NINL: variants seen among roughly 807,000 people sequenced by gnomAD.
NINL encodes the protein ninein like.
A neutral mutation model predicts 160.3 loss-of-function variants in NINL; 153 were observed. The ratio of observed to expected loss-of-function variants is 0.95; its 90% confidence interval spans 0.84 to 1.09. NINL has a LOEUF of 1.09. NINL is among the 50% of genes least tolerant of loss of function. The pLI, the probability that NINL is intolerant of heterozygous loss-of-function variation, is 0.00. For missense variants in NINL, 1,829 were observed against 1,764.0 expected (o/e 1.04, Z -0.66); for synonymous variants, 800 against 734.8 (o/e 1.09, Z -1.43).
chr20:25,470,208 C>A (rs6050637), intron 17 of NINL, 113 bp from the exon 18 acceptor site: 1 of 771,730 alleles, frequency 1.3e-6, no homozygotes, highest in Non-Finnish European at 2.2e-6. Flanking sequence ...CTCCCCGTCC[C>A]TGGAGGTGGC....
chr20:25,518,173 G>A (rs2064195879), intron 2 of NINL, among the ~76,000 whole-genome samples: 1 of 152,198 alleles, frequency 6.6e-6, no homozygotes, highest in Non-Finnish European at 1.5e-5. Flanking sequence ...AACGCCACCA[G>A]CACTGCAGAA....
intron 1 of NINL, among the ~76,000 whole-genome samples, chr20:25,552,071 G>C (rs1440067980): frequency 6.6e-6 from 1 of 152,104 alleles, no homozygotes; most frequent in Non-Finnish European, 1.5e-5. Flanking sequence ...GCTCTGTTTG[G>C]GGAAAAAGAA....
chr20:25,554,560 G>A (rs1289013908), intron 1 of NINL, among the ~76,000 whole-genome samples: 2 of 151,194 alleles, frequency 1.3e-5, no homozygotes, highest in African/African-American at 2.4e-5. Context: ...CGGGGTGGGT[G>A]GATCGCTTGA....
chr20:25,565,376 G>C (rs900422300), intron 1 of NINL, among the ~76,000 whole-genome samples: 2 of 151,766 alleles, frequency 1.3e-5, no homozygotes, highest in Non-Finnish European at 2.9e-5. Context: ...GGGAGGAAGA[G>C]AGAAAGAAAG....
intron 23 of NINL, 111 bp from the exon 24 acceptor site, chr20:25,453,753 T>C: frequency 9.7e-7 from 1 of 1,034,154 alleles, no homozygotes; most frequent in Non-Finnish European, 1.4e-6. Flanking sequence ...TTTGGGCTCT[T>C]AGAAATCTGA....
intron 3 of NINL, among the ~76,000 whole-genome samples, chr20:25,514,833 T>G (rs2064133599): frequency 6.6e-6 from 1 of 152,228 alleles, no homozygotes; most frequent in Non-Finnish European, 1.5e-5. Context: ...CCTTGGTGAC[T>G]ACCATGTTGT....
intron 14 of NINL, among the ~76,000 whole-genome samples, chr20:25,481,597 C>T (rs1176961820): frequency 1.3e-5 from 2 of 152,202 alleles, no homozygotes; most frequent in Non-Finnish European, 2.9e-5. Flanking sequence ...GGGTAAGCCC[C>T]GACAGCCTCT....
At chr20:25,558,034 G>A (rs953372951) in intron 1 of NINL, among the ~76,000 whole-genome samples, 4 of 151,508 alleles carry the variant, frequency 2.6e-5, no homozygotes, top group Non-Finnish European at 5.9e-5. Context: ...ACAGCTACTC[G>A]GGAGGCTGAA....
chr20:25,501,935 A>AT (rs918109256), intron 7 of NINL, among the ~76,000 whole-genome samples: 1 of 151,746 alleles, frequency 6.6e-6, no homozygotes, highest in Non-Finnish European at 1.5e-5. Flanking sequence ...GTCCTCATTG[A>AT]TTTTTTTCAC....
At chr20:25,473,419 C>G (rs2063151640) in intron 17 of NINL, among the ~76,000 whole-genome samples, 1 of 149,542 alleles carries the variant, frequency 6.7e-6, no homozygotes, top group Admixed American at 6.7e-5. Context: ...AGTTTGAGAC[C>G]AGCCTGGGCA....
chr20:25,480,633 G>C (rs552398548), intron 14 of NINL, among the ~76,000 whole-genome samples: 1 of 152,336 alleles, frequency 6.6e-6, no homozygotes, highest in East Asian at 1.9e-4. Flanking sequence ...GTGGTGCAGA[G>C]CTTTAGATGA....
chr20:25,496,615 G>C, intron 10 of NINL, 48 bp downstream of exon 10: 1 of 1,605,088 alleles, frequency 6.2e-7, no homozygotes, highest in Non-Finnish European at 8.5e-7. Flanking sequence ...CCCTCAAAGG[G>C]GCTGGGGAGG....
rs754971581 is a variant in NINL at position 25,477,067 on chromosome 20, T to C, written c.2224A>G (p.Ser742Gly). Residue 742 changes from serine (S) to glycine (G), a missense_variant, in exon 17 of 24, where the codon AGT becomes GGT. Coordinates refer to ENST00000278886, the MANE Select transcript of NINL (RefSeq NM_025176.6). ...GCTCCCAGCCCCGACAGCTCTCCACTCAGCTCCGCCTCAGCCTCTCTCCTG... is the reference window on the plus strand; with the variant it reads ...GCTCCCAGCCCCGACAGCTCTCCACCCAGCTCCGCCTCAGCCTCTCTCCTG... ...QIRREAEAEL[S>G]GELSGLGALP... 6.3e-7 allele frequency: 1 copy of C among 1,596,750 alleles called. No individual in the cohort carries two copies. The highest frequency in any genetic ancestry group is 8.5e-7 in the Non-Finnish European group (1 of 1,179,026).
intron 7 of NINL, among the ~76,000 whole-genome samples, chr20:25,503,448 G>T (rs938001396): frequency 7.7e-6 from 1 of 129,910 alleles, no homozygotes; most frequent in African/African-American, 3.0e-5. Context: ...GTGGGCACCT[G>T]AGCAGCACGT....
At chr20:25,489,506 A>C (rs763181647) in intron 12 of NINL, among the ~76,000 whole-genome samples, 182 bp from the exon 13 acceptor site, 6 of 151,036 alleles carry the variant, frequency 4.0e-5, no homozygotes, top group Non-Finnish European at 7.4e-5. Flanking sequence ...CACAAGACAG[A>C]AGGATTTTCC....
In NINL at chr20:25,548,382, G is replaced by A. The variant is rs1469775898; in HGVS notation, c.-11-21784C>T. 3.3e-5 allele frequency among the ~76,000 whole-genome samples: 5 copies of A among 152,310 alleles called. No homozygotes were observed. In the East Asian group the frequency reaches 9.6e-4, roughly 29 times the overall value. ...CAAGAGTCCTGAGGGGGAAATCAGA[G>A]GACACCAAGCAGCCTGGTCTTGGAC... is the stretch of plus-strand genomic sequence containing the variant. On this transcript the variant is annotated intron_variant, in intron 1 of 23. Transcript: ENST00000278886.
intron 14 of NINL, among the ~76,000 whole-genome samples, chr20:25,480,981 G>A (rs779910319): frequency 6.6e-6 from 1 of 152,128 alleles, no homozygotes; most frequent in African/African-American, 2.4e-5. Flanking sequence ...TTGGGGTGGC[G>A]CCTCAGGAGC....
intron 19 of NINL, among the ~76,000 whole-genome samples, chr20:25,463,762 C>T (rs962905084): frequency 2.0e-5 from 3 of 152,208 alleles, no homozygotes; most frequent in South Asian, 4.1e-4. Context: ...ATAGGTTTTA[C>T]AGGCATGTAA....
rs1222536541 is a variant in NINL, at chr20:25,452,952, C to T, written c.*499G>A. 2 of 152,624 alleles carry T rather than the reference C, an allele frequency of 1.3e-5. No homozygotes were observed. The highest frequency in any genetic ancestry group is 2.9e-5 in the Non-Finnish European group (2 of 68,080). 9.5% of individuals were successfully genotyped at this position (152,624 alleles called of 1,614,324 possible). A position where few individuals can be genotyped will look rare whatever the true frequency, so the allele number is the denominator to read the frequency against. On this transcript the variant is annotated 3_prime_UTR_variant, in exon 24 of 24. Coordinates refer to ENST00000278886, the MANE Select transcript of NINL (RefSeq NM_025176.6). ...AGAAGGGGCTTCCCCTCCTTTCTCGCTGGGTTGACGTTCCCAGCGAGTGAA... is the reference window on the plus strand; with the variant it reads ...AGAAGGGGCTTCCCCTCCTTTCTCGTTGGGTTGACGTTCCCAGCGAGTGAA...
Sources: gnomAD v4.1 joint callset for allele counts (sites outside exome capture counted in the v4.1 genomes callset) on GRCh38, gnomAD v4.1.1 for gene constraint, MANE v1.5 for transcripts, NCBI Gene and HGNC (gene_info 2026-07-23, HGNC 2026-07-21) for gene names.